Variants in SLC35F5 observed in about 807,000 individuals in gnomAD.
SLC35F5 encodes the protein solute carrier family 35 member F5, also known as HCV NS5A-transactivated protein 3.
Under a neutral mutation model 68.6 loss-of-function variants are expected in SLC35F5, and 54 were observed. The observed-to-expected ratio is 0.79, with a 90% confidence interval of 0.63 to 0.99. The LOEUF is 0.99. Ranked by LOEUF, SLC35F5 falls within the 50% of genes least tolerant of loss-of-function variation. The probability of loss-of-function intolerance (pLI) is 0.00; values close to 1 mark genes in which losing one functional copy is unlikely to be tolerated. For missense variants in SLC35F5, 567 were observed against 626.9 expected, an observed-to-expected ratio of 0.90 and a Z score of 1.02; for synonymous variants, 211 against 205.2, an observed-to-expected ratio of 1.03 and a Z score of -0.24.
In SLC35F5 at chr2:113,756,601, G is replaced by A. The variant is rs1677005552; in HGVS notation, c.-192C>T. ...GAGGGCGTGGAGCGGGTGAGGGGAA[G>A]GGACGGCACAGTCAGCTATGGCCGC... is the stretch of plus-strand genomic sequence containing the variant. On this transcript the variant is annotated 5_prime_UTR_variant, in exon 1 of 16. Transcript: ENST00000245680. 8 of 1,394,808 alleles carry A rather than the reference G, an allele frequency of 5.7e-6. No homozygotes were observed. Among genetic ancestry groups the A allele is most frequent in the Non-Finnish European group, 7.5e-6 (8 of 1,069,716 alleles). 86.4% of individuals were successfully genotyped at this position (1,394,808 alleles called of 1,614,324 possible).
intron 11 of SLC35F5, among the ~76,000 whole-genome samples, chr2:113,727,395 C>T (rs140026915): frequency 7.4e-4 from 112 of 152,168 alleles, no homozygotes; most frequent in Middle Eastern, 3.4e-3. Context: ...AGCAAGGACA[C>T]GACCTAAAAT....
At chr2:113,750,910 C>T (rs989263744) in intron 3 of SLC35F5, among the ~76,000 whole-genome samples, 5 of 152,312 alleles carry the variant, frequency 3.3e-5, no homozygotes, top group African/African-American at 1.2e-4. Context: ...GTGGGGAGAC[C>T]AAGACAGGAA....
intron 2 of SLC35F5, 23 bp downstream of exon 2, chr2:113,755,431 T>A (rs200441021): frequency 6.0e-5 from 96 of 1,612,486 alleles, no homozygotes; most frequent in Middle Eastern, 1.6e-4. Context: ...GAAAGTTACA[T>A]AGAGGATAAA....
At chr2:113,733,126 C>A (rs1045817252) in intron 9 of SLC35F5, among the ~76,000 whole-genome samples, 1 of 151,950 alleles carries the variant, frequency 6.6e-6, no homozygotes, top group Non-Finnish European at 1.5e-5. Flanking sequence ...CTAAGTAACA[C>A]TTTTTTTTAA....
At chr2:113,735,734 T>A (rs1364249598) in intron 8 of SLC35F5, 43 bp downstream of exon 8, 2 of 1,314,538 alleles carry the variant, frequency 1.5e-6, no homozygotes, top group African/African-American at 3.0e-5. Context: ...CAGAAATACA[T>A]ACACTGATTT....
At position 113,756,523 on chromosome 2, in the gene SLC35F5, G is replaced by A. The variant is rs1312839472; in HGVS notation, c.-114C>T. 6.7e-7 allele frequency: 1 copy of A among 1,498,650 alleles called. No homozygotes were observed. The highest frequency in any genetic ancestry group is 8.9e-7 in the Non-Finnish European group (1 of 1,128,416). The allele number at this position is 1,498,650 out of a possible 1,614,324, so 92.8% of individuals were successfully genotyped here. ...CACTGGAGGCCCAGCTCCTGAAGACGCGGTGCCCCTCAGGGAGAGGCTCCC... is the reference window on the plus strand; with the variant it reads ...CACTGGAGGCCCAGCTCCTGAAGACACGGTGCCCCTCAGGGAGAGGCTCCC... On this transcript the variant is annotated 5_prime_UTR_variant, in exon 1 of 16. Transcript: ENST00000245680.
chr2:113,718,917 GAAA>G (rs1559318190), intron 14 of SLC35F5, among the ~76,000 whole-genome samples: 1,093 of 75,550 alleles, frequency 0.014, 14 homozygotes, highest in Non-Finnish European at 0.026. Flanking sequence ...AAGAAAGAAA[GAAA>G]GAAAGAAAAA....
At chr2:113,751,172 G>A (rs966225829) in intron 3 of SLC35F5, among the ~76,000 whole-genome samples, 5 of 152,022 alleles carry the variant, frequency 3.3e-5, no homozygotes, top group African/African-American at 1.2e-4. Context: ...AGAGAAGGAA[G>A]GGAAGTTATC....
In SLC35F5 at chr2:113,722,956, T is replaced by A. The variant is rs1352047312; in HGVS notation, c.1341+148A>T. 1.5e-5 allele frequency: 7 copies of A among 462,776 alleles called. No homozygotes were observed. In the East Asian group the frequency reaches 2.5e-4, roughly 17 times the overall value. The allele number at this position is 462,776 out of a possible 1,614,324, so 28.7% of individuals were successfully genotyped here. On this transcript the variant is annotated intron_variant, in intron 13 of 15. Transcript: ENST00000245680. The stretch of plus-strand genomic sequence containing the variant: ...TTATCTATTTCTTCGGTACTTTCTA[T>A]ATTTCTATGTAGTAAAGCACCTTGG...
At chr2:113,721,141 TAC>T (rs1687414295) in intron 13 of SLC35F5, 2 of 152,018 alleles carry the variant, frequency 1.3e-5, no homozygotes, top group Admixed American at 6.6e-5. Context: ...TATATATAAA[TAC>T]AGTTAGCTAA....
intron 8 of SLC35F5, 45 bp downstream of exon 8, chr2:113,735,732 C>T: frequency 1.5e-6 from 2 of 1,294,388 alleles, no homozygotes; most frequent in South Asian, 2.5e-5. Context: ...ACCAGAAATA[C>T]ATACACTGAT....
At chr2:113,741,518 A>G (rs1676274435) in intron 7 of SLC35F5, among the ~76,000 whole-genome samples, 1 of 152,108 alleles carries the variant, frequency 6.6e-6, no homozygotes, top group African/African-American at 2.4e-5. Context: ...CATGACCAAC[A>G]TGGAGAAATC....
At chr2:113,736,550 G>T (rs1369014200) in intron 7 of SLC35F5, among the ~76,000 whole-genome samples, 1 of 152,084 alleles carries the variant, frequency 6.6e-6, no homozygotes, top group Non-Finnish European at 1.5e-5. Flanking sequence ...ATATACAGAT[G>T]AATACAGCAT....
At chr2:113,731,956 A>G (rs1687912542) in intron 9 of SLC35F5, among the ~76,000 whole-genome samples, 1 of 152,140 alleles carries the variant, frequency 6.6e-6, no homozygotes, top group Admixed American at 6.6e-5. Context: ...CCAAGATCAC[A>G]TAGCCGAGAC....
intron 13 of SLC35F5, 182 bp from the exon 14 acceptor site, chr2:113,719,490 C>T (rs1687339334): frequency 6.2e-6 from 3 of 483,392 alleles, no homozygotes; most frequent in Non-Finnish European, 1.0e-5. Context: ...CTTCAACTTA[C>T]TATTCCATGC....
Position 113,709,767 on chromosome 2 carries a change from C to T in SLC35F5, c.*5451G>A, listed in dbSNP as rs1204083743. ...CAGGCCCACCATCCCCACCGCCAGACCTACTGAATCAGAAACTCTAGGGTG... is the reference window on the plus strand; with the variant it reads ...CAGGCCCACCATCCCCACCGCCAGATCTACTGAATCAGAAACTCTAGGGTG... On this transcript the variant is annotated 3_prime_UTR_variant, in exon 16 of 16. Coordinates refer to ENST00000245680, the MANE Select transcript of SLC35F5 (RefSeq NM_025181.5). Among the ~76,000 whole-genome samples the T allele has an allele frequency of 6.6e-6, 1 of 152,132 alleles. No individual in the cohort carries two copies. The highest frequency in any genetic ancestry group is 1.5e-5 in the Non-Finnish European group (1 of 68,018).
intron 7 of SLC35F5, among the ~76,000 whole-genome samples, chr2:113,740,501 A>G (rs1003594122): frequency 1.3e-5 from 2 of 152,248 alleles, no homozygotes; most frequent in East Asian, 1.9e-4. Flanking sequence ...GTTTTTAAAA[A>G]TTATTTTTTG....
At chr2:113,736,573 A>G (rs1424786544) in intron 7 of SLC35F5, among the ~76,000 whole-genome samples, 2 of 152,368 alleles carry the variant, frequency 1.3e-5, no homozygotes, top group African/African-American at 2.4e-5. Context: ...TGAGAAATCT[A>G]TTAAACCAGA....
chr2:113,750,587 C>A lies in SLC35F5; in HGVS notation c.274-19G>T. On this transcript the variant is annotated intron_variant, in intron 3 of 15. Coordinates refer to ENST00000245680, the MANE Select transcript of SLC35F5 (RefSeq NM_025181.5). ...AAACATACTGTAGAGGAAAAAGTTACACAGACAACTCTGAGATGACCTTAA... is the reference window on the plus strand; with the variant it reads ...AAACATACTGTAGAGGAAAAAGTTAAACAGACAACTCTGAGATGACCTTAA... The A allele has an allele frequency of 1.3e-6, 2 of 1,589,700 alleles. No homozygotes were observed. The highest frequency in any genetic ancestry group is 1.2e-5 in the South Asian group (1 of 86,830).
Sources: gnomAD v4.1 joint callset for allele counts (sites outside exome capture counted in the v4.1 genomes callset) on GRCh38, gnomAD v4.1.1 for gene constraint, MANE v1.5 for transcripts, NCBI Gene and HGNC (gene_info 2026-07-23, HGNC 2026-07-21) for gene names.